SLC14A2: variants seen among roughly 807,000 people sequenced by gnomAD.
SLC14A2 encodes urea transporter 2.
A neutral mutation model predicts 104.6 loss-of-function variants in SLC14A2; 91 were observed. The observed-to-expected ratio is 0.87, with a 90% CI of 0.73 to 1.04. SLC14A2 has a LOEUF of 1.04. Among genes scored for constraint, SLC14A2 ranks in the 50% least tolerant of loss-of-function variants. The pLI is 0.00. For synonymous variants in SLC14A2, 476 were observed against 466.4 expected (o/e 1.02, Z -0.27); for missense variants, 1,189 against 1,156.0 (o/e 1.03, Z -0.41).
intron 2 of SLC14A2, among the ~76,000 whole-genome samples, chr18:45,504,639 T>C (rs556681324): frequency 2.3e-3 from 349 of 152,352 alleles, no homozygotes; most frequent in South Asian, 5.6e-3. Flanking sequence ...TGTGTTTGAA[T>C]CCACATAAAA....
At chr18:45,536,334 G>T (rs747297564) in intron 2 of SLC14A2, among the ~76,000 whole-genome samples, 6 of 152,212 alleles carry the variant, frequency 3.9e-5, no homozygotes, top group Non-Finnish European at 8.8e-5. Context: ...TAAAACAACA[G>T]AAATTTATCC....
chr18:45,367,348 C>A (rs185198880), intron 1 of SLC14A2, among the ~76,000 whole-genome samples: 2 of 152,096 alleles, frequency 1.3e-5, no homozygotes. Context: ...GAAGAATGAG[C>A]GTCCTTGCCT....
chr18:45,332,555 C>T (rs891021217), intron 1 of SLC14A2, among the ~76,000 whole-genome samples: 1 of 152,074 alleles, frequency 6.6e-6, no homozygotes, highest in Non-Finnish European at 1.5e-5. Context: ...AATTAAGGAC[C>T]AGGTCCTGGA....
intron 1 of SLC14A2, among the ~76,000 whole-genome samples, chr18:45,218,064 T>G (rs2084026478): frequency 6.6e-6 from 1 of 152,196 alleles, no homozygotes; most frequent in African/African-American, 2.4e-5. Flanking sequence ...TCTTTAAGTG[T>G]ACAGTTCATG....
the SLC14A2 span, among the ~76,000 whole-genome samples, chr18:45,200,599 A>G: frequency 6.6e-6 from 1 of 152,098 alleles, no homozygotes; most frequent in African/African-American, 2.4e-5. Flanking sequence ...AGTCATTTTT[A>G]GTATTAAAGA....
intron 1 of SLC14A2, among the ~76,000 whole-genome samples, chr18:45,394,892 A>G (rs1219492873): frequency 2.0e-5 from 3 of 152,158 alleles, no homozygotes; most frequent in Non-Finnish European, 4.4e-5. Flanking sequence ...TGGTGCGGTC[A>G]CTGTGAAAAT....
At chr18:45,324,608 C>A (rs1342100751) in intron 1 of SLC14A2, among the ~76,000 whole-genome samples, 2 of 151,936 alleles carry the variant, frequency 1.3e-5, no homozygotes, top group African/African-American at 4.8e-5. Flanking sequence ...AGTCTTGGAA[C>A]AAAGACTGGC....
At chr18:45,647,338 T>C (rs926706789) in intron 10 of SLC14A2, 1 of 152,244 alleles carries the variant, frequency 6.6e-6, no homozygotes, top group Non-Finnish European at 1.5e-5. Context: ...AATTTCAGTC[T>C]CTCCTGTATG....
At chr18:45,417,440 A>C (rs1441354230) in intron 1 of SLC14A2, among the ~76,000 whole-genome samples, 1 of 152,238 alleles carries the variant, frequency 6.6e-6, no homozygotes, top group Admixed American at 6.5e-5. Context: ...AGGAAGCCTC[A>C]GGAAACTTAC....
intron 1 of SLC14A2, among the ~76,000 whole-genome samples, chr18:45,458,623 G>A (rs2086987299): frequency 6.6e-6 from 1 of 152,156 alleles, no homozygotes; most frequent in Non-Finnish European, 1.5e-5. Context: ...CTACTTCAGT[G>A]GATTAAGTTA....
intron 1 of SLC14A2, chr18:45,482,746 A>G (rs938399880): frequency 5.9e-5 from 9 of 152,204 alleles, no homozygotes; most frequent in African/African-American, 1.9e-4. Flanking sequence ...GTGATATTCA[A>G]TTGGTTGGAT....
intron 1 of SLC14A2, among the ~76,000 whole-genome samples, chr18:45,239,863 A>G (rs1401825544): frequency 6.6e-6 from 1 of 152,186 alleles, no homozygotes; most frequent in Non-Finnish European, 1.5e-5. Context: ...GAGTGAATGA[A>G]TGAATCCTTG....
chr18:45,612,089 A>G (rs1367039378), upstream of SLC14A2, among the ~76,000 whole-genome samples: 2 of 152,216 alleles, frequency 1.3e-5, no homozygotes, highest in African/African-American at 4.8e-5. Flanking sequence ...GAGATGAGAC[A>G]TATACATAAA....
In SLC14A2 at chr18:45,500,839, G is replaced by C. The variant is rs540409042; in HGVS notation, c.-35+17517G>C. Among the ~76,000 whole-genome samples, 14 of 152,312 alleles carry C rather than the reference G, an allele frequency of 9.2e-5. 1 individual carries two copies. The South Asian group carries it at 1.9e-3, about 20-fold the overall frequency. ...CAGGTTCTATCTGGTTTCGGGAAGAGGTGGGATTTTCACAGCACTATGAGA... is the reference window on the plus strand; with the variant it reads ...CAGGTTCTATCTGGTTTCGGGAAGACGTGGGATTTTCACAGCACTATGAGA... On this transcript the variant is annotated intron_variant, in intron 2 of 20. Coordinates refer to the SLC14A2 transcript ENST00000586448.
chr18:45,459,365 T>C (rs1419997897), intron 1 of SLC14A2, among the ~76,000 whole-genome samples: 3 of 152,182 alleles, frequency 2.0e-5, no homozygotes, highest in African/African-American at 7.2e-5. Flanking sequence ...TAGAGGAGGA[T>C]AAAACTCTGT....
chr18:45,472,192 G>A (rs575838860), intron 1 of SLC14A2, among the ~76,000 whole-genome samples: 4 of 150,712 alleles, frequency 2.7e-5, no homozygotes, highest in East Asian at 2.0e-4. Context: ...CCATGTCCCC[G>A]CAAGGAACAT....
At chr18:45,343,871 T>C (rs916400428) in intron 1 of SLC14A2, among the ~76,000 whole-genome samples, 12 of 151,964 alleles carry the variant, frequency 7.9e-5, no homozygotes, top group African/African-American at 2.9e-4. Flanking sequence ...ATTTGTGGAG[T>C]GATGACAAGA....
chr18:45,282,321 C>A (rs1157454934), intron 1 of SLC14A2, among the ~76,000 whole-genome samples: 2 of 152,092 alleles, frequency 1.3e-5, no homozygotes, highest in Non-Finnish European at 2.9e-5. Flanking sequence ...TGCTCAAGAG[C>A]TATTTGGACC....
In SLC14A2 at chr18:45,410,686, G is replaced by T. The variant is rs550691687; in HGVS notation, c.-124-72547G>T. 7.9e-5 allele frequency among the ~76,000 whole-genome samples: 12 copies of T among 152,214 alleles called. 1 individual carries two copies. In the South Asian group the frequency reaches 2.3e-3, roughly 29 times the overall value. ...TACAAATTAGCCTACTCCCTAAAATGTATTTGTGACCCCCAAATCAATAAT... is the reference window on the plus strand; with the variant it reads ...TACAAATTAGCCTACTCCCTAAAATTTATTTGTGACCCCCAAATCAATAAT... On this transcript the variant is annotated intron_variant, in intron 1 of 20. Coordinates refer to the SLC14A2 transcript ENST00000586448.
Sources: gnomAD v4.1 joint callset for allele counts (sites outside exome capture counted in the v4.1 genomes callset) on GRCh38, gnomAD v4.1.1 for gene constraint, MANE v1.5 for transcripts, NCBI Gene and HGNC (gene_info 2026-07-23, HGNC 2026-07-21) for gene names.